The following TMPRSS12 variants were observed in gnomAD, a reference collection of about 807,000 sequenced individuals.
The protein encoded by TMPRSS12 is transmembrane protease serine 12.
In TMPRSS12, 25 loss-of-function variants were observed where a neutral mutation model predicts 26.0. The ratio of observed to expected loss-of-function variants is 0.96; its 90% CI spans 0.70 to 1.34. The LOEUF is 1.34. TMPRSS12 is among the 40% of genes most tolerant of loss of function. The pLI is 0.00. For synonymous variants in TMPRSS12, 150 were observed against 161.7 expected, an observed-to-expected ratio of 0.93 and a Z score of 0.55; for missense variants, 441 against 440.1, an observed-to-expected ratio of 1.00 and a Z score of -0.02.
chr12:50,844,124 T>C, intron 2 of TMPRSS12, 87 bp downstream of exon 2: 1 of 1,259,226 alleles, frequency 7.9e-7, no homozygotes. Context: ...CATTTTCAGC[T>C]AAGCTATGTT....
rs180755788 is a variant in TMPRSS12, at chr12:50,877,486, C to G, written c.653-7760C>G. 1.3e-4 allele frequency among the ~76,000 whole-genome samples: 20 copies of G among 152,292 alleles called. No individual in the cohort carries two copies. The East Asian group carries it at 3.5e-3, about 26-fold the overall frequency. On this transcript the variant is annotated intron_variant, in intron 3 of 4. Coordinates refer to ENST00000398458, the MANE Select transcript of TMPRSS12 (RefSeq NM_182559.3). ...ATGCTTAAGGAATCTACAAAACAAT[C>G]TAGTAAAACAAGTTCGTTGAGGTTA...
At position 50,859,007 on chromosome 12, in the gene TMPRSS12, A is replaced by G; in HGVS notation, c.606A>G (p.Gly202=). The part of the protein sequence containing the change: ...LPFDVFQILD[G]NTKCFISGWG... ...TTGATGTTTTCCAAATCCTGGACGG[A>G]AACACAAAGTGTTTTATAAGTGGCT... The change falls in exon 3 of 5, where the codon GGA becomes GGG. Residue 202 remains glycine (G), a synonymous_variant. Transcript: ENST00000398458. 1 of 1,603,918 alleles carries G rather than the reference A, an allele frequency of 6.2e-7. No homozygotes were observed. Among genetic ancestry groups the G allele is most frequent in the Non-Finnish European group, 8.5e-7 (1 of 1,175,700 alleles).
intron 3 of TMPRSS12, among the ~76,000 whole-genome samples, chr12:50,860,572 C>T (rs986946985): frequency 1.8e-4 from 27 of 151,220 alleles, no homozygotes; most frequent in African/African-American, 4.6e-4. Context: ...TGTGCCACCA[C>T]GCCCAGCTTT....
rs1307748974 is a variant in TMPRSS12, at chr12:50,887,591, C to T, written c.*78C>T. On this transcript the variant is annotated 3_prime_UTR_variant, in exon 5 of 5. Transcript: ENST00000398458. ...TTCTATATAATGAACATCATTTATT[C>T]TTCTAGCAATTAATTGCCTACATTA... 5 of 1,498,484 alleles carry T rather than the reference C, an allele frequency of 3.3e-6. No homozygotes were observed. The highest frequency in any genetic ancestry group is 4.5e-6 in the Non-Finnish European group (5 of 1,120,992). The allele number at this position is 1,498,484 out of a possible 1,614,324, so 92.8% of individuals were successfully genotyped here. A position where few individuals can be genotyped will look rare whatever the true frequency, so the allele number is the denominator to read the frequency against.
intron 3 of TMPRSS12, among the ~76,000 whole-genome samples, chr12:50,880,440 G>A (rs61693665): frequency 0.043 from 6,619 of 152,170 alleles, 497 homozygotes; most frequent in African/African-American, 0.15. Context: ...ATGCCACTAT[G>A]CAACTGCTAG....
At chr12:50,863,103 C>T (rs771417689) in intron 3 of TMPRSS12, among the ~76,000 whole-genome samples, 8 of 151,510 alleles carry the variant, frequency 5.3e-5, no homozygotes, top group Non-Finnish European at 8.8e-5. Flanking sequence ...CCCAGGAGTT[C>T]GAGGTTATGG....
intron 3 of TMPRSS12, among the ~76,000 whole-genome samples, chr12:50,881,973 AAAAAAAAAAAAAAAAAAAAAAAAAAATAT>A (rs1424474853): frequency 2.8e-4 from 18 of 63,490 alleles, no homozygotes; most frequent in East Asian, 2.3e-3. Flanking sequence ...AAAAAAAAAA[AAAAAAAAAAAAAAAAAAAAAAAAAAATAT>A]ATATATATAT....
intron 2 of TMPRSS12, among the ~76,000 whole-genome samples, chr12:50,857,303 T>A (rs1026162161): frequency 6.6e-6 from 1 of 152,242 alleles, no homozygotes; most frequent in African/African-American, 2.4e-5. Context: ...GTTCATCTTT[T>A]ATTTCCTTGG....
At chr12:50,886,108 A>T (rs1465554949) in intron 4 of TMPRSS12, 1 of 152,128 alleles carries the variant, frequency 6.6e-6, no homozygotes. Context: ...TCTTCTTTAC[A>T]GAATGTCTAT....
intron 3 of TMPRSS12, among the ~76,000 whole-genome samples, chr12:50,874,366 C>A (rs1321692651): frequency 2.6e-5 from 4 of 152,086 alleles, no homozygotes; most frequent in African/African-American, 9.7e-5. Context: ...GGATTATATA[C>A]ACTACCTAGT....
intron 3 of TMPRSS12, among the ~76,000 whole-genome samples, chr12:50,861,389 C>CT (rs10607636): frequency 6.0e-5 from 9 of 150,882 alleles, no homozygotes; most frequent in African/African-American, 2.2e-4. Flanking sequence ...TATTATTTTT[C>CT]TTTTTTTTTT....
At chr12:50,876,576 G>A (rs10735829) in intron 3 of TMPRSS12, among the ~76,000 whole-genome samples, 36,249 of 151,936 alleles carry the variant, frequency 0.24, 4,475 homozygotes, top group East Asian at 0.42. Flanking sequence ...AGGCTGAGGC[G>A]GGCAGATCAT....
At chr12:50,871,650 G>C (rs1938043631) in intron 3 of TMPRSS12, among the ~76,000 whole-genome samples, 1 of 152,122 alleles carries the variant, frequency 6.6e-6, no homozygotes, top group South Asian at 2.1e-4. Flanking sequence ...AGAGTAAACA[G>C]ACAACCCACA....
intron 2 of TMPRSS12, among the ~76,000 whole-genome samples, chr12:50,851,359 G>A (rs2139721249): frequency 6.6e-6 from 1 of 152,124 alleles, no homozygotes; most frequent in Non-Finnish European, 1.5e-5. Flanking sequence ...TTTTAAGAAA[G>A]AACCAAACTG....
intron 3 of TMPRSS12, among the ~76,000 whole-genome samples, chr12:50,877,095 T>C (rs2139735247): frequency 1.3e-5 from 2 of 152,136 alleles, no homozygotes; most frequent in South Asian, 4.1e-4. Flanking sequence ...AAAGCTAATT[T>C]GGGGGTACTA....
chr12:50,862,308 TAGAC>T (rs774983454), intron 3 of TMPRSS12, among the ~76,000 whole-genome samples: 21 of 152,120 alleles, frequency 1.4e-4, no homozygotes, highest in Non-Finnish European at 2.4e-4. Flanking sequence ...GATAGAAACT[TAGAC>T]AGGGAACTGG....
chr12:50,846,861 AGCAACTGCAT>A (rs1937773134), intron 2 of TMPRSS12, among the ~76,000 whole-genome samples: 1 of 151,916 alleles, frequency 6.6e-6, no homozygotes, highest in South Asian at 2.1e-4. Flanking sequence ...TGCAGGTGTG[AGCAACTGCAT>A]CCGGCCTGCA....
chr12:50,850,297 A>T (rs990437972), intron 2 of TMPRSS12, among the ~76,000 whole-genome samples: 2 of 152,132 alleles, frequency 1.3e-5, no homozygotes, highest in Non-Finnish European at 2.9e-5. Context: ...GGATAGCACC[A>T]GCTAAGTGCA....
rs767637269 is a variant in TMPRSS12, at chr12:50,872,743, T to TGACGTATATATGTACATATATAG, written c.653-12503_653-12502insGACGTATATATGTACATATATAG. 1.8e-3 allele frequency among the ~76,000 whole-genome samples: 42 copies of TGACGTATATATGTACATATATAG among 23,208 alleles called. 9 individuals carry two copies. The highest frequency in any genetic ancestry group is 2.6e-3 in the Non-Finnish European group (25 of 9,756). The allele number at this position is 23,208 out of a possible 152,430, so 15.2% of individuals were successfully genotyped here. A position where few individuals can be genotyped will look rare whatever the true frequency, so the allele number is the denominator to read the frequency against. Reference sequence around the variant, plus strand: ...TATGACGTATATATGTACATATATATACGTCTATATATGTACATATATATG... The same window carrying TGACGTATATATGTACATATATAG: ...TATGACGTATATATGTACATATATATGACGTATATATGTACATATATAGACGTCTATATATGTACATATATATG... On this transcript the variant is annotated intron_variant, in intron 3 of 4. Transcript: ENST00000398458.
Sources: gnomAD v4.1 joint callset for allele counts (sites outside exome capture counted in the v4.1 genomes callset) on GRCh38, gnomAD v4.1.1 for gene constraint, MANE v1.5 for transcripts, NCBI Gene and HGNC (gene_info 2026-07-23, HGNC 2026-07-21) for gene names.